AP3B1: variants seen among roughly 807,000 people sequenced by gnomAD.
AP3B1 encodes the protein AP-3 complex subunit beta-1.
AP3B1 carries 61 observed loss-of-function variants against 132.5 expected under a neutral mutation model. The ratio of observed to expected loss-of-function variants is 0.46; its 90% CI spans 0.37 to 0.57. The LOEUF is 0.57. Among genes scored for constraint, AP3B1 ranks in the 20% least tolerant of loss-of-function variants. The probability of loss-of-function intolerance (pLI) is 0.00; values close to 1 mark genes in which losing one functional copy is unlikely to be tolerated. For synonymous variants in AP3B1, 388 were observed against 438.3 expected (o/e 0.89, Z 1.43); for missense variants, 1,120 against 1,289.4 (o/e 0.87, Z 2.01).
At chr5:78,045,153 G>T (rs564825002) in intron 22 of AP3B1, among the ~76,000 whole-genome samples, 2 of 152,258 alleles carry the variant, frequency 1.3e-5, no homozygotes, top group Middle Eastern at 6.8e-3. Flanking sequence ...GGCCAAGATG[G>T]GTGGATCACT....
intron 5 of AP3B1, 140 bp downstream of exon 5, chr5:78,227,232 G>T: frequency 1.2e-6 from 1 of 820,858 alleles, no homozygotes; most frequent in Non-Finnish European, 1.9e-6. Context: ...TGCAGCAGGG[G>T]GAAATACCAT....
downstream of AP3B1, chr5:78,001,683 A>G (rs1044333675): frequency 5.3e-5 from 8 of 152,314 alleles, no homozygotes; most frequent in African/African-American, 1.9e-4. Flanking sequence ...CAGCCTTCCT[A>G]TAATGCTTCA....
At chr5:78,292,960 C>A (rs1278221532) in intron 1 of AP3B1, among the ~76,000 whole-genome samples, 2 of 152,104 alleles carry the variant, frequency 1.3e-5, no homozygotes, top group African/African-American at 2.4e-5. Flanking sequence ...CTCACTGCAG[C>A]TTCCGCCTCC....
intron 22 of AP3B1, among the ~76,000 whole-genome samples, chr5:78,073,395 T>C (rs1334250569): frequency 1.3e-5 from 2 of 152,316 alleles, no homozygotes; most frequent in South Asian, 2.1e-4. Flanking sequence ...TGCTATATGA[T>C]TGACCAATGC....
chr5:78,087,681 A>C, intron 22 of AP3B1: 1 of 985,318 alleles, frequency 1.0e-6, no homozygotes, highest in Non-Finnish European at 1.2e-6. Flanking sequence ...TGAAGAGACC[A>C]TCTCAATAAA....
chr5:78,258,205 T>A (rs544159083), intron 2 of AP3B1, among the ~76,000 whole-genome samples: 2 of 152,208 alleles, frequency 1.3e-5, no homozygotes, highest in Non-Finnish European at 2.9e-5. Context: ...AAGGACACGA[T>A]CAACAAAGTG....
chr5:78,015,689 T>C, intron 25 of AP3B1, 141 bp from the exon 26 acceptor site: 1 of 782,850 alleles, frequency 1.3e-6, no homozygotes, highest in South Asian at 1.7e-5. Context: ...AAGATAATTA[T>C]AAAACTAAAA....
intron 22 of AP3B1, among the ~76,000 whole-genome samples, chr5:78,045,558 C>T (rs1331867351): frequency 1.3e-5 from 2 of 151,814 alleles, no homozygotes; most frequent in African/African-American, 2.4e-5. Flanking sequence ...CGACTACTTC[C>T]ACATATAATA....
At chr5:78,118,140 T>C (rs775359611) in intron 17 of AP3B1, among the ~76,000 whole-genome samples, 3 of 152,212 alleles carry the variant, frequency 2.0e-5, no homozygotes, top group African/African-American at 4.8e-5. Flanking sequence ...CCTAAAATTC[T>C]GATTTAATTA....
intron 11 of AP3B1, among the ~76,000 whole-genome samples, chr5:78,172,440 A>C (rs1169821125): frequency 6.6e-6 from 1 of 152,194 alleles, no homozygotes; most frequent in Non-Finnish European, 1.5e-5. Context: ...TCAGAGATTC[A>C]ACTTCTTCCT....
At chr5:78,293,281 A>G (rs1749613851) in intron 1 of AP3B1, among the ~76,000 whole-genome samples, 1 of 152,254 alleles carries the variant, frequency 6.6e-6, no homozygotes, top group Non-Finnish European at 1.5e-5. Flanking sequence ...AGGTTAATTC[A>G]GTCTAAACAT....
intron 22 of AP3B1, among the ~76,000 whole-genome samples, chr5:78,086,024 C>T (rs1255020794): frequency 6.6e-6 from 1 of 152,026 alleles, no homozygotes; most frequent in Non-Finnish European, 1.5e-5. Flanking sequence ...AAATAATTAC[C>T]ATGCATCCTG....
At chr5:78,132,620 G>C (rs1199604463) in intron 15 of AP3B1, among the ~76,000 whole-genome samples, 1 of 152,162 alleles carries the variant, frequency 6.6e-6, no homozygotes, top group Admixed American at 6.5e-5. Context: ...GTTTCACACA[G>C]AATTATATAA....
chr5:78,051,940 G>A (rs1748600506), intron 22 of AP3B1, among the ~76,000 whole-genome samples: 1 of 152,082 alleles, frequency 6.6e-6, no homozygotes, highest in South Asian at 2.1e-4. Context: ...CCTATAAACT[G>A]TAGAAAGTGG....
intron 22 of AP3B1, among the ~76,000 whole-genome samples, chr5:78,072,389 C>T (rs545293945): frequency 2.0e-5 from 3 of 152,244 alleles, no homozygotes; most frequent in Admixed American, 6.5e-5. Context: ...GGCCATTTCA[C>T]GCATATCATT....
intron 11 of AP3B1, among the ~76,000 whole-genome samples, chr5:78,166,169 ACAC>A (rs1743622043): frequency 6.5e-5 from 7 of 107,740 alleles, no homozygotes; most frequent in Admixed American, 9.7e-5. Flanking sequence ...ACACACACAC[ACAC>A]AAATCATATT....
chr5:78,136,626 A>G (rs749390322), intron 15 of AP3B1, among the ~76,000 whole-genome samples: 1 of 152,218 alleles, frequency 6.6e-6, no homozygotes, highest in African/African-American at 2.4e-5. Flanking sequence ...CCTTTCTTCC[A>G]TAAGCAAACC....
intron 3 of AP3B1, among the ~76,000 whole-genome samples, chr5:78,230,432 G>A (rs1746596729): frequency 6.6e-6 from 1 of 152,068 alleles, no homozygotes. Context: ...TACTATACGG[G>A]TAGAGTTATA....
At chr5:78,091,898 G>A (rs1750532404) in intron 21 of AP3B1, among the ~76,000 whole-genome samples, 1 of 152,172 alleles carries the variant, frequency 6.6e-6, no homozygotes, top group South Asian at 2.1e-4. Flanking sequence ...ACTAAAGTAA[G>A]CCAATGGCAA....
Sources: gnomAD v4.1 joint callset for allele counts (sites outside exome capture counted in the v4.1 genomes callset) on GRCh38, gnomAD v4.1.1 for gene constraint, MANE v1.5 for transcripts, NCBI Gene and HGNC (gene_info 2026-07-23, HGNC 2026-07-21) for gene names.